Variants in TMPRSS13 observed in about 807,000 individuals in gnomAD.
TMPRSS13 encodes transmembrane serine protease 13.
TMPRSS13 carries 50 observed loss-of-function variants against 68.4 expected under a neutral mutation model. The observed-to-expected ratio is 0.73, with a 90% CI of 0.58 to 0.93. The LOEUF (loss-of-function observed/expected upper bound fraction) is 0.93, where lower values mean the gene tolerates loss of function less well. Among genes scored for constraint, TMPRSS13 ranks in the 40% least tolerant of loss-of-function variants. The probability of loss-of-function intolerance (pLI) is 0.00; values close to 1 mark genes in which losing one functional copy is unlikely to be tolerated. For missense variants in TMPRSS13, 615 were observed against 729.2 expected, an observed-to-expected ratio of 0.84 and a Z score of 1.80; for synonymous variants, 267 against 285.8, an observed-to-expected ratio of 0.93 and a Z score of 0.66.
At position 117,905,819 on chromosome 11, in the gene TMPRSS13, G is replaced by C. The variant is rs1241087894; in HGVS notation, c.1283-83C>G. On this transcript the variant is annotated intron_variant, in intron 9 of 12. Transcript: ENST00000524993. ...GAGGGAGAAGGAGCACAACCACTCT[G>C]GGGGCAAGGAGGGGTCTCCTAGAAC... is the stretch of plus-strand genomic sequence containing the variant. 3.8e-6 allele frequency: 4 copies of C among 1,059,222 alleles called. No individual in the cohort carries two copies. In the African/African-American group the frequency reaches 4.8e-5, roughly 13 times the overall value. The allele number at this position is 1,059,222 out of a possible 1,614,324, so 65.6% of individuals were successfully genotyped here. A position where few individuals can be genotyped will look rare whatever the true frequency, so the allele number is the denominator to read the frequency against.
At position 117,903,249 on chromosome 11, in the gene TMPRSS13, CA is replaced by C. The variant is rs2057425861; in HGVS notation, c.1677+405del. 4 of 1,305,972 alleles carry C rather than the reference CA, an allele frequency of 3.1e-6. No individual in the cohort carries two copies. The East Asian group carries it at 7.8e-5, about 26-fold the overall frequency. 80.9% of individuals were successfully genotyped at this position (1,305,972 alleles called of 1,614,324 possible). A position where few individuals can be genotyped will look rare whatever the true frequency, so the allele number is the denominator to read the frequency against. On this transcript the variant is annotated intron_variant, in intron 12 of 12. Coordinates refer to ENST00000524993, the MANE Select transcript of TMPRSS13 (RefSeq NM_001077263.3). ...AAAAAGAAAATCAAAAAGACTAAAA[CA>C]AACAGAGCTGGGAAAGGCCATGAAG... is the stretch of plus-strand genomic sequence containing the variant.
At position 117,915,484 on chromosome 11, in the gene TMPRSS13, C is replaced by T. The variant is rs1005261262; in HGVS notation, c.557-970G>A. ...CTTGGGCTGGCCCCTCCTCTCTGTG[C>T]CCTGGTCTTCCTCCCATATCCTGGG... On this transcript the variant is annotated intron_variant, in intron 3 of 12. Coordinates refer to ENST00000524993, the MANE Select transcript of TMPRSS13 (RefSeq NM_001077263.3). This position sits in a 1 kb window ranked among gnomAD's most constrained non-coding sequence, Gnocchi z 4.9. Among the ~76,000 whole-genome samples, 1 of 152,194 alleles carries T rather than the reference C, an allele frequency of 6.6e-6. No homozygotes were observed. Among genetic ancestry groups the T allele is most frequent in the Admixed American group, 6.5e-5 (1 of 15,286 alleles).
At chr11:117,904,904 T>TATATATATATATATATATA (rs61134271) in intron 10 of TMPRSS13, among the ~76,000 whole-genome samples, 20 of 121,778 alleles carry the variant, frequency 1.6e-4, no homozygotes, top group Non-Finnish European at 3.3e-4. Flanking sequence ...TATATATATA[T>TATATATATATATATATATA]TCTTAATTGA....
intron 8 of TMPRSS13, 65 bp downstream of exon 8, chr11:117,909,741 G>A: frequency 6.5e-7 from 1 of 1,545,108 alleles, no homozygotes; most frequent in South Asian, 1.2e-5. Context: ...TCAGTCTGCA[G>A]CCAGCCCTTC....
At chr11:117,917,779 A>T (rs1315962673) in intron 2 of TMPRSS13, among the ~76,000 whole-genome samples, 4 of 152,174 alleles carry the variant, frequency 2.6e-5, no homozygotes, top group African/African-American at 9.7e-5. Flanking sequence ...GCCACGTATC[A>T]TCCAGGCCTG....
At chr11:117,908,389 G>A in intron 9 of TMPRSS13, 1 of 615,248 alleles carries the variant, frequency 1.6e-6, no homozygotes, top group Non-Finnish European at 2.9e-6. Context: ...AATTTGTAAT[G>A]TGAGATGTGT....
chr11:117,909,617 G>A lies in TMPRSS13; in HGVS notation c.1109+189C>T, dbSNP rs1044326675. Among the ~76,000 whole-genome samples the A allele has an allele frequency of 1.4e-4, 21 of 152,266 alleles. 1 individual carries two copies. Among genetic ancestry groups the A allele is most frequent in the East Asian group, 3.9e-4 (2 of 5,176 alleles). ...ACTTTCTCATCCTTGGGCCTAGCTC[G>A]GAACAAACACCCCCGACCCACACTC... On this transcript the variant is annotated intron_variant, in intron 8 of 12. Transcript: ENST00000524993.
chr11:117,902,569 C>G (rs1237285621), intron 12 of TMPRSS13, among the ~76,000 whole-genome samples: 6 of 152,210 alleles, frequency 3.9e-5, no homozygotes, highest in African/African-American at 1.2e-4. Flanking sequence ...AAGGCAGGGT[C>G]TCAACTAGGT....
intron 1 of TMPRSS13, among the ~76,000 whole-genome samples, chr11:117,925,826 C>T (rs919171126): frequency 1.3e-5 from 2 of 152,254 alleles, no homozygotes; most frequent in Non-Finnish European, 2.9e-5. Flanking sequence ...AGTTGTCCTT[C>T]CCACCCAGCT....
intron 12 of TMPRSS13, chr11:117,903,199 T>C (rs1364839519): frequency 7.2e-7 from 1 of 1,391,854 alleles, no homozygotes; most frequent in Non-Finnish European, 9.3e-7. Context: ...CACTTGTGTT[T>C]TTAAAAAAAG....
chr11:117,908,090 C>A, intron 9 of TMPRSS13: 1 of 920,006 alleles, frequency 1.1e-6, no homozygotes, highest in Non-Finnish European at 1.2e-6. Flanking sequence ...AGTCTAGAGC[C>A]AGGTGGGGAG....
chr11:117,914,327 AC>A lies in TMPRSS13; in HGVS notation c.679+64del. ...CAGGCATGCATACACACACACATATACAAACAGGCACACAAACACATGCACA... is the reference window on the plus strand; with the variant it reads ...CAGGCATGCATACACACACACATATAAAACAGGCACACAAACACATGCACA... On this transcript the variant is annotated intron_variant, in intron 4 of 12. Transcript: ENST00000524993. This position sits in a 1 kb window ranked among gnomAD's most constrained non-coding sequence, Gnocchi z 4.2. The A allele has an allele frequency of 6.3e-7, 1 of 1,598,270 alleles. No individual in the cohort carries two copies. Among genetic ancestry groups the A allele is most frequent in the East Asian group, 2.2e-5 (1 of 44,814 alleles).
chr11:117,916,797 A>G (rs1240926158), intron 3 of TMPRSS13, among the ~76,000 whole-genome samples: 1 of 152,176 alleles, frequency 6.6e-6, no homozygotes, highest in Non-Finnish European at 1.5e-5. Context: ...ATTCCTCATA[A>G]TCTAATGAAG....
At chr11:117,912,313 AC>A (rs562068230) in intron 5 of TMPRSS13, among the ~76,000 whole-genome samples, 1 of 151,928 alleles carries the variant, frequency 6.6e-6, no homozygotes, top group South Asian at 2.1e-4. Context: ...AGCAGCAGCA[AC>A]CCCCCCAGAC....
Position 117,929,386 on chromosome 11 carries a change from T to C in TMPRSS13, c.-79A>G, listed in dbSNP as rs1180419024. 17 of 1,439,354 alleles carry C rather than the reference T, an allele frequency of 1.2e-5. No homozygotes were observed. The highest frequency in any genetic ancestry group is 1.5e-5 in the Non-Finnish European group (16 of 1,045,760). The allele number at this position is 1,439,354 out of a possible 1,614,324, so 89.2% of individuals were successfully genotyped here. ...ATCTTGGTCCCTGGCTTCTCAGGCA[T>C]GTAGGGTAAAGGAGTTGGAGGGCCA... is the stretch of plus-strand genomic sequence containing the variant. On this transcript the variant is annotated 5_prime_UTR_variant, in exon 1 of 13. It removes an upstream start codon present in the reference 5' UTR. Coordinates refer to ENST00000524993, the MANE Select transcript of TMPRSS13 (RefSeq NM_001077263.3).
chr11:117,910,798 C>T (rs2057515780), intron 6 of TMPRSS13, 48 bp from the exon 7 acceptor site: 3 of 1,554,790 alleles, frequency 1.9e-6, no homozygotes, highest in Middle Eastern at 1.7e-4. Context: ...TTAGCTACCT[C>T]CTCCAGGAAG....
At chr11:117,928,384 G>A (rs2134938379) in intron 1 of TMPRSS13, among the ~76,000 whole-genome samples, 1 of 152,280 alleles carries the variant, frequency 6.6e-6, no homozygotes, top group African/African-American at 2.4e-5. Context: ...ACACATTGGG[G>A]GTGCAGAATG....
chr11:117,911,091 CTCT>C (rs949025116), intron 6 of TMPRSS13, among the ~76,000 whole-genome samples: 4 of 152,234 alleles, frequency 2.6e-5, no homozygotes, highest in African/African-American at 9.6e-5. Context: ...TCTGGTGCTC[CTCT>C]GACACAGTTC....
Position 117,929,397 on chromosome 11 carries a change from G to A in TMPRSS13, c.-90C>T. 7.8e-7 allele frequency: 1 copy of A among 1,275,654 alleles called. No individual in the cohort carries two copies. Among genetic ancestry groups the A allele is most frequent in the Admixed American group, 2.3e-5 (1 of 43,584 alleles). The allele number at this position is 1,275,654 out of a possible 1,614,324, so 79.0% of individuals were successfully genotyped here. On this transcript the variant is annotated 5_prime_UTR_variant, in exon 1 of 13. Transcript: ENST00000524993. The stretch of plus-strand genomic sequence containing the variant: ...TGGCTTCTCAGGCATGTAGGGTAAA[G>A]GAGTTGGAGGGCCAAGGGCCAGCCC...
Sources: allele counts gnomAD v4.1 joint callset (sites outside exome capture counted in the v4.1 genomes callset), GRCh38; gene constraint gnomAD v4.1.1; non-coding constraint Gnocchi (gnomAD v3.1); transcripts MANE v1.5; gene names NCBI Gene and HGNC (gene_info 2026-07-23, HGNC 2026-07-21).